UVSSA: variants seen among roughly 807,000 people sequenced by gnomAD.
The protein encoded by UVSSA is UV-stimulated scaffold protein A.
Under a neutral mutation model 73.9 loss-of-function variants are expected in UVSSA, and 72 were observed. The ratio of observed to expected loss-of-function variants is 0.97; its 90% CI spans 0.81 to 1.19. UVSSA has a LOEUF of 1.19. Ranked by LOEUF, UVSSA falls within the 50% of genes most tolerant of loss-of-function variation. The pLI is 0.00. For synonymous variants in UVSSA, 454 were observed against 391.3 expected, an observed-to-expected ratio of 1.16 and a Z score of -1.89; for missense variants, 1,150 against 965.0, an observed-to-expected ratio of 1.19 and a Z score of -2.54.
intron 4 of UVSSA, 97 bp from the exon 5 acceptor site, chr4:1,352,933 A>C: frequency 6.8e-7 from 1 of 1,474,216 alleles, no homozygotes; most frequent in Non-Finnish European, 9.1e-7. Context: ...CTGAAAAGTG[A>C]CACCCTGCGG....
chr4:1,353,108 C>T lies in UVSSA; in HGVS notation c.629C>T (p.Pro210Leu), dbSNP rs143547791. ...CTGCTGGTGCCTTTTGACTTTGACC[C>T]GAACCCGGAGACGGAATCCCTTGGC... The part of the protein sequence containing the change: ...FRLLVPFDFD[P>L]NPETESLGMA... Residue 210 changes from proline (P) to leucine (L), a missense_variant, in exon 5 of 14, where the codon CCG becomes CTG. By Grantham distance (98) the Pro-to-Leu change is moderately conservative. Transcript: ENST00000389851. The T allele has an allele frequency of 3.4e-5, 55 of 1,613,072 alleles. 1 individual carries two copies. In the African/African-American group the frequency reaches 3.5e-4, roughly 10 times the overall value.
rs1388532995 is a variant in UVSSA at position 1,380,042 on chromosome 4, T to G, written c.1569-5T>G. On this transcript the variant is annotated splice_polypyrimidine_tract_variant and splice_region_variant and intron_variant, in intron 10 of 13. Transcript: ENST00000389851. ...TGCTATGAGGGCCTCTGGCTGTGTC[T>G]GCAGGTCTGACTCCCAGCACCGCTT... 1 of 1,598,736 alleles carries G rather than the reference T, an allele frequency of 6.3e-7. No homozygotes were observed. The highest frequency in any genetic ancestry group is 8.5e-7 in the Non-Finnish European group (1 of 1,172,440).
At chr4:1,385,689 C>G in intron 13 of UVSSA, 179 bp from the exon 14 acceptor site, 2 of 641,924 alleles carry the variant, frequency 3.1e-6, no homozygotes, top group East Asian at 5.5e-5. Flanking sequence ...CTGTCTCGGG[C>G]CAGGGCCAAG....
intron 13 of UVSSA, 36 bp downstream of exon 13, chr4:1,383,976 GC>G (rs747908782): frequency 7.6e-6 from 12 of 1,584,920 alleles, no homozygotes; most frequent in Admixed American, 1.7e-5. Context: ...CCACCGCGTG[GC>G]CCCCCCGTGT....
exon 14 of UVSSA, chr4:1,393,419 G>A (rs1304124870): frequency 6.6e-6 from 1 of 152,168 alleles, no homozygotes; most frequent in Non-Finnish European, 1.5e-5. Flanking sequence ...GCCGGGCGTG[G>A]TGGTGTGCAC....
chr4:1,393,302 T>A (rs927059790), exon 14 of UVSSA: 3 of 152,240 alleles, frequency 2.0e-5, no homozygotes, highest in Non-Finnish European at 4.4e-5. Flanking sequence ...GTATCTTTAC[T>A]CATATTCTTT....
chr4:1,364,977 C>T (rs60682925), intron 7 of UVSSA, among the ~76,000 whole-genome samples: 18,751 of 152,138 alleles, frequency 0.12, 2,091 homozygotes, highest in East Asian at 0.43. Flanking sequence ...GGGCTGCGTG[C>T]GAGCTCCCAC....
chr4:1,359,563 C>G (rs951344699), intron 7 of UVSSA: 1 of 152,204 alleles, frequency 6.6e-6, no homozygotes, highest in African/African-American at 2.4e-5. Context: ...CAGCGTGGCT[C>G]TGTCTTTCCT....
upstream of UVSSA, among the ~76,000 whole-genome samples, chr4:1,343,419 A>G (rs909185291): frequency 6.6e-6 from 1 of 152,126 alleles, no homozygotes; most frequent in Non-Finnish European, 1.5e-5. Context: ...TCGACATAGG[A>G]ATTTGGTAGG....
At chr4:1,384,017 C>G (rs1458319766) in intron 13 of UVSSA, 77 bp downstream of exon 13, 28 of 1,468,110 alleles carry the variant, frequency 1.9e-5, no homozygotes, top group Admixed American at 7.3e-5. Context: ...CATCTGAGCG[C>G]CAAGATATTC....
chr4:1,354,903 T>TC lies in UVSSA; in HGVS notation c.1047+56_1047+57insC, dbSNP rs1553877116. On this transcript the variant is annotated intron_variant, in intron 6 of 13. Coordinates refer to ENST00000389851, the MANE Select transcript of UVSSA (RefSeq NM_020894.4). ...AGGGACGTGTGCAGAGTGCCATGCA[T>TC]GGGGGGGGTCCCTTTCTTGGGGGGA... 5 of 1,465,778 alleles carry TC rather than the reference T, an allele frequency of 3.4e-6. No homozygotes were observed. The East Asian group carries it at 9.6e-5, about 28-fold the overall frequency. 90.8% of individuals were successfully genotyped at this position (1,465,778 alleles called of 1,614,324 possible).
At chr4:1,373,542 C>T (rs1718390692) in intron 8 of UVSSA, among the ~76,000 whole-genome samples, 1 of 152,192 alleles carries the variant, frequency 6.6e-6, no homozygotes, top group Non-Finnish European at 1.5e-5. Flanking sequence ...ATCCTCAGTG[C>T]TCTGTGTTAA....
chr4:1,362,032 C>G (rs759242715), intron 7 of UVSSA, among the ~76,000 whole-genome samples: 1 of 152,206 alleles, frequency 6.6e-6, no homozygotes, highest in Non-Finnish European at 1.5e-5. Context: ...CCCCTTCACA[C>G]GGCCTCTCCT....
At chr4:1,377,867 T>A (rs565515137) in intron 10 of UVSSA, among the ~76,000 whole-genome samples, 1 of 152,256 alleles carries the variant, frequency 6.6e-6, no homozygotes, top group Non-Finnish European at 1.5e-5. Context: ...TTGATGGAGT[T>A]GCAGCCTACA....
chr4:1,353,346 C>G lies in UVSSA; in HGVS notation c.867C>G (p.Leu289=). The G allele has an allele frequency of 6.2e-7, 1 of 1,610,448 alleles. No homozygotes were observed. Among genetic ancestry groups the G allele is most frequent in the Non-Finnish European group, 8.5e-7 (1 of 1,179,038 alleles). Residue 289 remains leucine (L), a synonymous_variant, in exon 5 of 14, where the codon CTC becomes CTG. Transcript: ENST00000389851. ...CAGATGAGGACGAGGACAGCGACCT[C>G]GAGGAGTTTGTGCGGAGCCACGGGC... ...DPSDEDEDSD[L]EEFVRSHGLG...
In UVSSA at chr4:1,352,054, G is replaced by T. The variant is rs987915740; in HGVS notation, c.550+219G>T. On this transcript the variant is annotated intron_variant, in intron 4 of 13. Coordinates refer to ENST00000389851, the MANE Select transcript of UVSSA (RefSeq NM_020894.4). Reference sequence around the variant, plus strand: ...CCCTCTGGTGGTCACATTCATCCACGCCCGTTCGCTGCGCGGACCTCTGGG... The same window carrying T: ...CCCTCTGGTGGTCACATTCATCCACTCCCGTTCGCTGCGCGGACCTCTGGG... Among the ~76,000 whole-genome samples, 43 of 152,244 alleles carry T rather than the reference G, an allele frequency of 2.8e-4. 1 individual carries two copies. The highest frequency in any genetic ancestry group is 1.0e-3 in the African/African-American group (42 of 41,468).
At chr4:1,353,608 G>C in intron 5 of UVSSA, among the ~76,000 whole-genome samples, 195 bp downstream of exon 5, 1 of 152,186 alleles carries the variant, frequency 6.6e-6, no homozygotes, top group Non-Finnish European at 1.5e-5. Context: ...CCAGGCCTCT[G>C]TGGCCACAGG....
upstream of UVSSA, among the ~76,000 whole-genome samples, chr4:1,342,952 T>G (rs1713479461): frequency 6.6e-6 from 1 of 152,120 alleles, no homozygotes. Context: ...TTCAGAATGG[T>G]CTTGGTGGTC....
chr4:1,353,224 G>C lies in UVSSA; in HGVS notation c.745G>C (p.Glu249Gln). 1.2e-6 allele frequency: 2 copies of C among 1,612,140 alleles called. No homozygotes were observed. The highest frequency in any genetic ancestry group is 1.7e-6 in the Non-Finnish European group (2 of 1,179,828). ...TGGCACCCCTGACCCCCGGGACGGGGAGCAGCCCTGCTGCAGTAGAGACCT... is the reference window on the plus strand; with the variant it reads ...TGGCACCCCTGACCCCCGGGACGGGCAGCAGCCCTGCTGCAGTAGAGACCT... ...RSGTPDPRDG[E>Q]QPCCSRDLPA... Residue 249 changes from glutamate to glutamine, a missense_variant, in exon 5 of 14, where the codon GAG becomes CAG. By Grantham distance (29) the Glu-to-Gln change is conservative (BLOSUM62 2). Transcript: ENST00000389851.
Sources: allele counts gnomAD v4.1 joint callset (sites outside exome capture counted in the v4.1 genomes callset), GRCh38; gene constraint gnomAD v4.1.1; transcripts MANE v1.5; gene names NCBI Gene and HGNC (gene_info 2026-07-23, HGNC 2026-07-21).